The following CNTNAP2 variants were observed in gnomAD, a reference collection of about 807,000 sequenced individuals.
CNTNAP2 encodes contactin-associated protein-like 2.
Under a neutral mutation model 155.2 loss-of-function variants are expected in CNTNAP2, and 98 were observed. The ratio of observed to expected loss-of-function variants is 0.63; its 90% confidence interval spans 0.54 to 0.75. The LOEUF (loss-of-function observed/expected upper bound fraction) is 0.75, where lower values mean the gene tolerates loss of function less well. CNTNAP2 is among the 30% of genes least tolerant of loss of function. CNTNAP2 has a pLI of 0.00. For synonymous variants in CNTNAP2, 651 were observed against 631.2 expected (o/e 1.03, Z -0.47); for missense variants, 1,727 against 1,688.1 (o/e 1.02, Z -0.40).
chr7:147,176,648 A>G (rs540128237), intron 8 of CNTNAP2, among the ~76,000 whole-genome samples: 1 of 136,484 alleles, frequency 7.3e-6, no homozygotes, highest in Admixed American at 7.8e-5. Flanking sequence ...TAATATTTAT[A>G]ATATAATAGA....
chr7:147,981,635 G>T (rs965247360), intron 15 of CNTNAP2, among the ~76,000 whole-genome samples: 2 of 152,082 alleles, frequency 1.3e-5, no homozygotes, highest in African/African-American at 2.4e-5. Flanking sequence ...CAGCAGTTTT[G>T]GTTGATTTCA....
chr7:146,211,640 A>G (rs189248677), intron 1 of CNTNAP2, among the ~76,000 whole-genome samples: 5 of 152,286 alleles, frequency 3.3e-5, no homozygotes, highest in Non-Finnish European at 5.9e-5. Context: ...TTAGAGTTCC[A>G]TATAGGTTCT....
chr7:147,306,586 A>C (rs1224555286), intron 9 of CNTNAP2, among the ~76,000 whole-genome samples: 1 of 152,260 alleles, frequency 6.6e-6, no homozygotes, highest in African/African-American at 2.4e-5. Flanking sequence ...ATGATAAGAA[A>C]ATGTATCATT....
At chr7:147,995,551 G>A (rs1237618739) in intron 15 of CNTNAP2, among the ~76,000 whole-genome samples, 2 of 146,700 alleles carry the variant, frequency 1.4e-5, no homozygotes, top group African/African-American at 2.5e-5. Flanking sequence ...TTTTTGAGAT[G>A]GAATCTTGCT....
At chr7:146,502,224 A>AATATAT (rs59759183) in intron 1 of CNTNAP2, among the ~76,000 whole-genome samples, 5,204 of 93,828 alleles carry the variant, frequency 0.055, 186 homozygotes, top group Admixed American at 0.07. Context: ...TATATATATG[A>AATATAT]ATATATATAT....
intron 9 of CNTNAP2, among the ~76,000 whole-genome samples, chr7:147,385,194 C>T (rs182909792): frequency 1.3e-4 from 20 of 152,264 alleles, no homozygotes; most frequent in East Asian, 9.7e-4. Context: ...TTCCCTGACT[C>T]GTGGGAAGTG....
intron 4 of CNTNAP2, among the ~76,000 whole-genome samples, chr7:147,044,815 C>G (rs1799326459): frequency 6.6e-6 from 1 of 151,804 alleles, no homozygotes; most frequent in African/African-American, 2.4e-5. Context: ...TTATCCTTAT[C>G]CTTATGCTTA....
chr7:148,357,226 A>G (rs1390873086), intron 21 of CNTNAP2, among the ~76,000 whole-genome samples: 1 of 152,148 alleles, frequency 6.6e-6, no homozygotes, highest in Non-Finnish European at 1.5e-5. Flanking sequence ...TGATGGTTTT[A>G]TAAAGGGGAG....
chr7:147,405,260 T>C (rs559814990), intron 10 of CNTNAP2, among the ~76,000 whole-genome samples: 7 of 152,346 alleles, frequency 4.6e-5, no homozygotes, highest in African/African-American at 1.2e-4. Context: ...TGATATCATA[T>C]TACCTGCAAA....
chr7:147,553,400 C>G (rs1194596156), intron 11 of CNTNAP2, among the ~76,000 whole-genome samples: 1 of 152,110 alleles, frequency 6.6e-6, no homozygotes. Flanking sequence ...TCCTTGCAAC[C>G]TCCTATTCAT....
chr7:147,179,536 G>A (rs1251072431), intron 8 of CNTNAP2, among the ~76,000 whole-genome samples: 1 of 152,158 alleles, frequency 6.6e-6, no homozygotes, highest in African/African-American at 2.4e-5. Flanking sequence ...ATGTGAGTGA[G>A]AATAATATTA....
intron 12 of CNTNAP2, among the ~76,000 whole-genome samples, chr7:147,563,889 C>T (rs761931341): frequency 1.3e-5 from 2 of 151,964 alleles, no homozygotes; most frequent in African/African-American, 2.4e-5. Context: ...CAGACACCAG[C>T]GAGGAACTCT....
intron 13 of CNTNAP2, among the ~76,000 whole-genome samples, chr7:147,863,803 G>T (rs1799176428): frequency 6.6e-6 from 1 of 150,652 alleles, no homozygotes; most frequent in East Asian, 1.9e-4. Context: ...ATTTGTTTCA[G>T]TTCTTCGTAG....
intron 13 of CNTNAP2, among the ~76,000 whole-genome samples, chr7:147,864,257 T>C (rs189062686): frequency 6.6e-6 from 1 of 152,352 alleles, no homozygotes; most frequent in East Asian, 1.9e-4. Flanking sequence ...GTGTTATTTC[T>C]GATGCCTCTG....
At position 147,882,275 on chromosome 7, in the gene CNTNAP2, T is replaced by A. The variant is rs141667363; in HGVS notation, c.2099-21290T>A. ...CGTTATGATCATAATGGAGGTGGAA[T>A]AGAGTCCAGATCTCCTGGCTCCAAT... On this transcript the variant is annotated intron_variant, in intron 13 of 23. Transcript: ENST00000361727. Among the ~76,000 whole-genome samples the A allele has an allele frequency of 4.5e-3, 688 of 152,268 alleles. 2 individuals carry two copies. Among genetic ancestry groups the A allele is most frequent in the Non-Finnish European group, 6.2e-3 (425 of 68,016 alleles).
intron 4 of CNTNAP2, among the ~76,000 whole-genome samples, chr7:147,077,119 A>T (rs1428379912): frequency 2.0e-5 from 3 of 152,212 alleles, no homozygotes; most frequent in African/African-American, 7.2e-5. Context: ...AATTTAAAAA[A>T]GTATTTTCTC....
chr7:146,344,848 A>G (rs1177274957), intron 1 of CNTNAP2, among the ~76,000 whole-genome samples: 4 of 152,204 alleles, frequency 2.6e-5, no homozygotes. Context: ...ACATACCTTA[A>G]GAACATTTAG....
chr7:146,242,740 G>A (rs1238276200), intron 1 of CNTNAP2, among the ~76,000 whole-genome samples: 1 of 151,978 alleles, frequency 6.6e-6, no homozygotes, highest in Admixed American at 6.6e-5. Context: ...CAGTGTATTA[G>A]CCCATCCTAA....
At chr7:146,288,793 ATTTTTT>A (rs757136036) in intron 1 of CNTNAP2, among the ~76,000 whole-genome samples, 50 of 100,036 alleles carry the variant, frequency 5.0e-4, no homozygotes, top group African/African-American at 2.6e-3. Context: ...AAAATTAGTA[ATTTTTT>A]TTTTTTTTTT....
Sources: allele counts gnomAD v4.1 joint callset (sites outside exome capture counted in the v4.1 genomes callset), GRCh38; gene constraint gnomAD v4.1.1; transcripts MANE v1.5; gene names NCBI Gene and HGNC (gene_info 2026-07-23, HGNC 2026-07-21).